MGAT4C: variants seen among roughly 807,000 people sequenced by gnomAD.
MGAT4C encodes alpha-1,3-mannosyl-glycoprotein 4-beta-N-acetylglucosaminyltransferase C.
MGAT4C carries 19 observed loss-of-function variants against 40.1 expected under a neutral mutation model. The observed-to-expected ratio is 0.47, with a 90% CI of 0.33 to 0.70. The LOEUF is 0.70. Among genes scored for constraint, MGAT4C ranks in the 30% least tolerant of loss-of-function variants. The probability of loss-of-function intolerance (pLI) is 0.02; values close to 1 mark genes in which losing one functional copy is unlikely to be tolerated. For synonymous variants in MGAT4C, 181 were observed against 187.1 expected, an observed-to-expected ratio of 0.97 and a Z score of 0.27; for missense variants, 491 against 563.2, an observed-to-expected ratio of 0.87 and a Z score of 1.30.
At chr12:86,355,314 C>T (rs1378707269) in intron 3 of MGAT4C, among the ~76,000 whole-genome samples, 2 of 152,132 alleles carry the variant, frequency 1.3e-5, no homozygotes, top group Admixed American at 6.5e-5. Flanking sequence ...TCCACTCAAC[C>T]CAGGAAGTCC....
intron 3 of MGAT4C, among the ~76,000 whole-genome samples, chr12:86,358,244 A>C (rs1955364580): frequency 6.6e-6 from 1 of 152,232 alleles, no homozygotes; most frequent in African/African-American, 2.4e-5. Flanking sequence ...TCGTAAGTGA[A>C]GGAGAAATAA....
intron 2 of MGAT4C, among the ~76,000 whole-genome samples, chr12:85,990,741 A>C (rs1310312072): frequency 2.6e-5 from 4 of 152,186 alleles, no homozygotes; most frequent in African/African-American, 9.7e-5. Context: ...AGTGCTATAC[A>C]TATTACTGTC....
chr12:86,563,155 A>G (rs918119780), intron 2 of MGAT4C, among the ~76,000 whole-genome samples: 2 of 152,182 alleles, frequency 1.3e-5, no homozygotes, highest in African/African-American at 4.8e-5. Context: ...ATCCCTGAAG[A>G]GTTCTGTGAT....
chr12:86,676,981 C>G (rs1317949382), intron 2 of MGAT4C, among the ~76,000 whole-genome samples: 1 of 151,984 alleles, frequency 6.6e-6, no homozygotes, highest in Non-Finnish European at 1.5e-5. Flanking sequence ...ATTGAAGGAC[C>G]TGTGTAGTCA....
intron 1 of MGAT4C, among the ~76,000 whole-genome samples, chr12:86,783,849 T>C (rs1381445556): frequency 6.6e-6 from 1 of 152,192 alleles, no homozygotes; most frequent in Non-Finnish European, 1.5e-5. Context: ...TTAGTAGTAC[T>C]GGCCGACTAT....
At chr12:86,409,639 G>C (rs1216903326) in intron 3 of MGAT4C, among the ~76,000 whole-genome samples, 1 of 152,118 alleles carries the variant, frequency 6.6e-6, no homozygotes, top group East Asian at 1.9e-4. Flanking sequence ...TTGTAGCCAA[G>C]GATAATTATT....
At chr12:86,229,534 A>G (rs943247230) in intron 1 of MGAT4C, among the ~76,000 whole-genome samples, 2 of 152,144 alleles carry the variant, frequency 1.3e-5, no homozygotes, top group East Asian at 3.9e-4. Context: ...TCTAATTCTT[A>G]GTTTACATTG....
intron 2 of MGAT4C, among the ~76,000 whole-genome samples, chr12:86,651,303 T>C (rs912610895): frequency 3.3e-5 from 5 of 151,880 alleles, no homozygotes; most frequent in African/African-American, 1.2e-4. Flanking sequence ...ATCTATTTAT[T>C]GAAAAAAATC....
At chr12:86,171,206 C>T (rs1435255624) in intron 1 of MGAT4C, among the ~76,000 whole-genome samples, 2 of 151,934 alleles carry the variant, frequency 1.3e-5, no homozygotes, top group Admixed American at 1.3e-4. Context: ...CGTGTCTATA[C>T]TAAAAATACA....
intron 2 of MGAT4C, among the ~76,000 whole-genome samples, chr12:86,722,892 A>C (rs188488202): frequency 6.6e-6 from 1 of 152,156 alleles, no homozygotes. Context: ...AAATTGTCTG[A>C]TACATTTTAG....
intron 2 of MGAT4C, among the ~76,000 whole-genome samples, chr12:86,619,622 C>T (rs957682501): frequency 6.6e-6 from 1 of 152,082 alleles, no homozygotes; most frequent in Non-Finnish European, 1.5e-5. Flanking sequence ...TTTCATACTG[C>T]CTCACTCTGT....
intron 2 of MGAT4C, among the ~76,000 whole-genome samples, chr12:86,590,440 T>C (rs1164925379): frequency 2.0e-5 from 3 of 151,994 alleles, no homozygotes; most frequent in Admixed American, 6.6e-5. Flanking sequence ...TTCATTTCAC[T>C]GCTCTTATAT....
At chr12:86,722,989 T>C (rs1950761140) in intron 2 of MGAT4C, among the ~76,000 whole-genome samples, 1 of 152,190 alleles carries the variant, frequency 6.6e-6, no homozygotes, top group Non-Finnish European at 1.5e-5. Context: ...ATTATTTGTG[T>C]TTCTTGAGAA....
At chr12:86,041,788 T>C (rs1244853377) in intron 2 of MGAT4C, among the ~76,000 whole-genome samples, 1 of 152,156 alleles carries the variant, frequency 6.6e-6, no homozygotes, top group East Asian at 1.9e-4. Context: ...AAAGAATGTA[T>C]ATTCTGTTGT....
At chr12:86,178,190 C>G (rs897090384) in intron 1 of MGAT4C, among the ~76,000 whole-genome samples, 3 of 152,162 alleles carry the variant, frequency 2.0e-5, no homozygotes, top group Non-Finnish European at 2.9e-5. Context: ...CCCGCCTTGG[C>G]CTCCCAAAGT....
At chr12:86,707,608 G>C (rs890706344) in intron 2 of MGAT4C, among the ~76,000 whole-genome samples, 2 of 151,000 alleles carry the variant, frequency 1.3e-5, no homozygotes, top group Non-Finnish European at 2.9e-5. Flanking sequence ...ACAGCTCACT[G>C]CAACCTCCGC....
At chr12:86,784,325 A>G (rs1951894995) in intron 1 of MGAT4C, among the ~76,000 whole-genome samples, 1 of 152,130 alleles carries the variant, frequency 6.6e-6, no homozygotes, top group African/African-American at 2.4e-5. Flanking sequence ...CAGTAAACTT[A>G]GCATGCAGAC....
intron 3 of MGAT4C, among the ~76,000 whole-genome samples, chr12:86,369,623 A>G (rs1955678180): frequency 6.6e-6 from 1 of 152,028 alleles, no homozygotes; most frequent in Non-Finnish European, 1.5e-5. Flanking sequence ...TTCTCCACAT[A>G]CACTATGCTA....
chr12:86,410,828 T>C (rs1459260012), intron 3 of MGAT4C, among the ~76,000 whole-genome samples: 1 of 152,208 alleles, frequency 6.6e-6, no homozygotes. Flanking sequence ...TAAATGTCCA[T>C]GAAATATTCA....
Sources: gnomAD v4.1 joint callset for allele counts (sites outside exome capture counted in the v4.1 genomes callset) on GRCh38, gnomAD v4.1.1 for gene constraint, MANE v1.5 for transcripts, NCBI Gene and HGNC (gene_info 2026-07-23, HGNC 2026-07-21) for gene names.